GLI3: variants seen among roughly 807,000 people sequenced by gnomAD.
GLI3 encodes transcription activator GLI3.
In GLI3, 20 loss-of-function variants were observed where a neutral mutation model predicts 100.8. That is an observed-to-expected ratio of 0.20 (90% CI 0.14 to 0.29). The LOEUF (loss-of-function observed/expected upper bound fraction) is 0.29. GLI3 is among the 10% of genes least tolerant of loss of function. The pLI is 1.00. For missense variants in GLI3, 2,040 were observed against 2,128.5 expected (o/e 0.96, Z 0.82); for synonymous variants, 938 against 860.5 (o/e 1.09, Z -1.58).
At chr7:42,077,384 T>TA (rs1554323166) in intron 3 of GLI3, among the ~76,000 whole-genome samples, 555 of 149,292 alleles carry the variant, frequency 3.7e-3, no homozygotes, top group Middle Eastern at 0.014. Flanking sequence ...TTTTTTTTTT[T>TA]AACTTAAATA....
At chr7:41,980,770 T>A (rs1473360584) in intron 10 of GLI3, among the ~76,000 whole-genome samples, 1 of 152,196 alleles carries the variant, frequency 6.6e-6, no homozygotes, top group Non-Finnish European at 1.5e-5. Flanking sequence ...GTCTTATTAG[T>A]TCCCTGTTCT....
In GLI3 at chr7:42,237,089, G is replaced by A. The variant is rs1389267369; in HGVS notation, c.-161C>T. ...GGCTACGGCTACCGCGAGCGGCCGG[G>A]CTGGGCGCGGGGTGCGCCCGCCGCG... is the stretch of plus-strand genomic sequence containing the variant. On this transcript the variant is annotated 5_prime_UTR_variant, in exon 1 of 15. Coordinates refer to ENST00000395925, the MANE Select transcript of GLI3 (RefSeq NM_000168.6). 4.1e-5 allele frequency: 6 copies of A among 147,052 alleles called. No individual in the cohort carries two copies. The highest frequency in any genetic ancestry group is 1.5e-4 in the African/African-American group (6 of 40,888). The allele number at this position is 147,052 out of a possible 1,614,324, so 9.1% of individuals were successfully genotyped here.
intron 13 of GLI3, among the ~76,000 whole-genome samples, chr7:41,968,763 GGAAA>G (rs71006451): frequency 0.042 from 2,360 of 56,544 alleles, 45 homozygotes; most frequent in Non-Finnish European, 0.047. Flanking sequence ...AAAGAAAGAA[GGAAA>G]GAAAGAAAGA....
chr7:42,209,953 CAAA>C (rs1788230249), intron 2 of GLI3, among the ~76,000 whole-genome samples: 1 of 106,690 alleles, frequency 9.4e-6, no homozygotes, highest in Non-Finnish European at 1.7e-5. Context: ...GAGCCTCTGG[CAAA>C]TGCTGGGTCA....
At chr7:42,119,990 C>T (rs1392422947) in intron 3 of GLI3, among the ~76,000 whole-genome samples, 6 of 152,156 alleles carry the variant, frequency 3.9e-5, no homozygotes, top group African/African-American at 1.4e-4. Context: ...CCTGGACCCT[C>T]GCACTTATAG....
chr7:42,065,427 A>G (rs1479259094), intron 4 of GLI3, among the ~76,000 whole-genome samples: 1 of 152,002 alleles, frequency 6.6e-6, no homozygotes, highest in East Asian at 1.9e-4. Context: ...TTGTCAAGCT[A>G]TATCACAATG....
Position 41,964,826 on chromosome 7 carries a change from C to A in GLI3, c.4247G>T (p.Cys1416Phe), listed in dbSNP as rs754711120. 3.1e-6 allele frequency: 5 copies of A among 1,613,898 alleles called. No homozygotes were observed. The highest frequency in any genetic ancestry group is 1.6e-4 in the Middle Eastern group (1 of 6,084). ...CTCCATCTTGATACCATTCACCCTG[C>A]AGGTCTGACTTGTGTCACTGAGCTG... ...SGQLSDTSQT[C>F]RVNGIKMEMK... The change falls in exon 15 of 15, where the codon TGC (cysteine) becomes TTC (phenylalanine). Residue 1416 changes from cysteine to phenylalanine, a missense_variant. Coordinates refer to ENST00000395925, the MANE Select transcript of GLI3 (RefSeq NM_000168.6).
At chr7:42,143,706 C>T (rs1414319570) in intron 3 of GLI3, among the ~76,000 whole-genome samples, 1 of 152,186 alleles carries the variant, frequency 6.6e-6, no homozygotes, top group Non-Finnish European at 1.5e-5. Context: ...TGCTAATTAG[C>T]AACCAATAGT....
chr7:41,966,558 T>C lies in GLI3; in HGVS notation c.2515A>G (p.Thr839Ala), dbSNP rs1009314221. Residue 839 changes from threonine (T) to alanine (A), a missense_variant, in exon 15 of 15, where the codon ACT becomes GCT. Thr to Ala is a moderately conservative substitution (Grantham distance 58). Coordinates refer to ENST00000395925, the MANE Select transcript of GLI3 (RefSeq NM_000168.6). The surrounding 1 kb of genome is among the most constrained non-coding windows in gnomAD (Gnocchi z 5.8). ...GRSDLSGVDV[T>A]MLNMLNRRDS... ...CTTCTGTTGAGCATGTTCAGCATAGTGACGTCCACCCCAGAGAGGTCGCTT... is the reference window on the plus strand; with the variant it reads ...CTTCTGTTGAGCATGTTCAGCATAGCGACGTCCACCCCAGAGAGGTCGCTT... 2.5e-6 allele frequency: 4 copies of C among 1,613,878 alleles called. No individual in the cohort carries two copies. The African/African-American group carries it at 5.3e-5, about 22-fold the overall frequency.
intron 10 of GLI3, among the ~76,000 whole-genome samples, chr7:42,014,743 C>T (rs897756413): frequency 3.3e-5 from 5 of 152,094 alleles, no homozygotes; most frequent in Admixed American, 1.3e-4. Flanking sequence ...AGGGATAGCC[C>T]CCAACCCCAG....
chr7:42,105,914 G>A (rs1013285972), intron 3 of GLI3, among the ~76,000 whole-genome samples: 4 of 152,122 alleles, frequency 2.6e-5, no homozygotes, highest in Non-Finnish European at 4.4e-5. Flanking sequence ...AGGTACATCC[G>A]CTTATCCAAG....
intron 3 of GLI3, chr7:42,145,312 A>T (rs946463137): frequency 1.7e-5 from 6 of 360,668 alleles, no homozygotes; most frequent in African/African-American, 1.2e-4. Flanking sequence ...AATAAATAAT[A>T]CTATATCTTT....
intron 2 of GLI3, among the ~76,000 whole-genome samples, chr7:42,210,607 C>T (rs1788252933): frequency 6.6e-6 from 1 of 151,926 alleles, no homozygotes; most frequent in Non-Finnish European, 1.5e-5. Flanking sequence ...TCTCTTCTAC[C>T]CCTAACTCGC....
chr7:42,018,432 T>C (rs946658820), intron 10 of GLI3, among the ~76,000 whole-genome samples: 1 of 152,186 alleles, frequency 6.6e-6, no homozygotes, highest in African/African-American at 2.4e-5. Context: ...TAGGTAAGGA[T>C]AGACAATGCA....
intron 6 of GLI3, among the ~76,000 whole-genome samples, chr7:42,044,621 A>T (rs1391483172): frequency 5.9e-5 from 9 of 152,166 alleles, no homozygotes; most frequent in Admixed American, 5.9e-4. Flanking sequence ...TTTGGCAACT[A>T]TTGATAACTT....
rs1787399538 is a variant in GLI3, at chr7:41,972,750, G to T, written c.1813-123C>A. On this transcript the variant is annotated intron_variant, in intron 12 of 14. Coordinates refer to ENST00000395925, the MANE Select transcript of GLI3 (RefSeq NM_000168.6). The surrounding 1 kb of genome is among the most constrained non-coding windows in gnomAD (Gnocchi z 4.4). Reference sequence around the variant, plus strand: ...TTTCAAAACACTTTCACAAGGCTTTGAGGTGTTCAGATACCTCTAGGAACT... The same window carrying T: ...TTTCAAAACACTTTCACAAGGCTTTTAGGTGTTCAGATACCTCTAGGAACT... The T allele has an allele frequency of 1.3e-6, 1 of 777,636 alleles. No homozygotes were observed. The highest frequency in any genetic ancestry group is 2.2e-6 in the Non-Finnish European group (1 of 456,744). 48.2% of individuals were successfully genotyped at this position (777,636 alleles called of 1,614,324 possible).
At chr7:42,156,768 A>G (rs184689847) in intron 2 of GLI3, among the ~76,000 whole-genome samples, 20 of 152,344 alleles carry the variant, frequency 1.3e-4, no homozygotes, top group African/African-American at 4.8e-4. Flanking sequence ...CTCTGTGTGC[A>G]GCAGCTTCTT....
chr7:42,029,437 C>G (rs900692942), intron 7 of GLI3, among the ~76,000 whole-genome samples: 17 of 152,142 alleles, frequency 1.1e-4, no homozygotes, highest in African/African-American at 4.1e-4. Context: ...AGACAAAATG[C>G]CCATGAGAAA....
intron 2 of GLI3, among the ~76,000 whole-genome samples, chr7:42,170,141 A>G (rs1787335057): frequency 6.6e-6 from 1 of 150,442 alleles, no homozygotes; most frequent in Admixed American, 6.6e-5. Flanking sequence ...AATCCCAGCT[A>G]CTCAGGAGGC....
Sources: allele counts gnomAD v4.1 joint callset (sites outside exome capture counted in the v4.1 genomes callset), GRCh38; gene constraint gnomAD v4.1.1; non-coding constraint Gnocchi (gnomAD v3.1); transcripts MANE v1.5; gene names NCBI Gene and HGNC (gene_info 2026-07-23, HGNC 2026-07-21).